PDE7B: variants seen among roughly 807,000 people sequenced by gnomAD.
The protein encoded by PDE7B is 3',5'-cyclic-AMP phosphodiesterase 7B.
In PDE7B, 29 loss-of-function variants were observed where a neutral mutation model predicts 56.2. The observed-to-expected ratio is 0.52, with a 90% CI of 0.38 to 0.70. PDE7B has a LOEUF of 0.70. PDE7B is among the 30% of genes least tolerant of loss of function. The pLI, the probability that PDE7B is intolerant of heterozygous loss-of-function variation, is 0.00. For synonymous variants in PDE7B, 197 were observed against 196.9 expected, an observed-to-expected ratio of 1.00 and a Z score of 0.00; for missense variants, 490 against 565.0, an observed-to-expected ratio of 0.87 and a Z score of 1.35.
chr6:135,899,568 A>G (rs1351208145), intron 1 of PDE7B, among the ~76,000 whole-genome samples: 1 of 151,878 alleles, frequency 6.6e-6, no homozygotes, highest in Admixed American at 6.6e-5. Flanking sequence ...GGCTTATTAA[A>G]AATGTGTGTC....
intron 1 of PDE7B, among the ~76,000 whole-genome samples, chr6:135,857,202 ATACT>A (rs1391825355): frequency 6.6e-5 from 10 of 152,034 alleles, no homozygotes; most frequent in African/African-American, 2.2e-4. Flanking sequence ...GTTTGGAGTA[ATACT>A]TACTTTTTTT....
At chr6:135,853,753 G>A (rs867715306) in intron 1 of PDE7B, among the ~76,000 whole-genome samples, 1 of 151,940 alleles carries the variant, frequency 6.6e-6, no homozygotes, top group Non-Finnish European at 1.5e-5. Context: ...GTTATTTAGG[G>A]CAAGGGTGGA....
At chr6:136,014,788 C>G (rs1775949107) in intron 2 of PDE7B, among the ~76,000 whole-genome samples, 1 of 152,170 alleles carries the variant, frequency 6.6e-6, no homozygotes, top group South Asian at 2.1e-4. Context: ...AGCCTCATCT[C>G]TTTGAAATGA....
chr6:136,181,491 G>T (rs529587916), intron 11 of PDE7B, among the ~76,000 whole-genome samples, 168 bp downstream of exon 11: 79 of 152,050 alleles, frequency 5.2e-4, no homozygotes, highest in Non-Finnish European at 6.9e-4. Flanking sequence ...CCCTTTTTCG[G>T]AAAAAGTTAA....
chr6:136,039,259 T>TC (rs1776376765), intron 2 of PDE7B, among the ~76,000 whole-genome samples: 1 of 151,820 alleles, frequency 6.6e-6, no homozygotes. Flanking sequence ...CTGGGAAGGA[T>TC]CCCAAGGGGC....
intron 1 of PDE7B, among the ~76,000 whole-genome samples, chr6:135,897,493 T>G (rs545278847): frequency 6.6e-6 from 1 of 152,260 alleles, no homozygotes; most frequent in South Asian, 2.1e-4. Context: ...AACTGAACTA[T>G]ACAGAAGAGA....
chr6:136,195,088 T>C lies in PDE7B; in HGVS notation c.*3248T>C, dbSNP rs922410627. The C allele has an allele frequency of 2.0e-5, 3 of 152,104 alleles. No individual in the cohort carries two copies. Among genetic ancestry groups the C allele is most frequent in the African/African-American group, 7.2e-5 (3 of 41,394 alleles). The allele number at this position is 152,104 out of a possible 1,614,324, so 9.4% of individuals were successfully genotyped here. A position where few individuals can be genotyped will look rare whatever the true frequency, so the allele number is the denominator to read the frequency against. ...AGATTAAATTAAGACAGAGAGAGAATACATATCACTGCCAGGCCTGATAGG... is the reference window on the plus strand; with the variant it reads ...AGATTAAATTAAGACAGAGAGAGAACACATATCACTGCCAGGCCTGATAGG... On this transcript the variant is annotated 3_prime_UTR_variant, in exon 13 of 13. Coordinates refer to ENST00000308191, the MANE Select transcript of PDE7B (RefSeq NM_018945.4).
chr6:135,979,092 G>A (rs1318510912), intron 2 of PDE7B, among the ~76,000 whole-genome samples: 1 of 151,922 alleles, frequency 6.6e-6, no homozygotes, highest in Non-Finnish European at 1.5e-5. Context: ...ATGAAGCGTT[G>A]TTGAATTTTG....
chr6:135,988,502 T>A (rs1461093969), intron 2 of PDE7B, among the ~76,000 whole-genome samples: 1 of 152,192 alleles, frequency 6.6e-6, no homozygotes, highest in East Asian at 1.9e-4. Context: ...AAGAGCCCAC[T>A]GTTTAATAAT....
intron 2 of PDE7B, chr6:136,046,376 C>T (rs1376739664): frequency 1.3e-5 from 2 of 152,206 alleles, no homozygotes; most frequent in African/African-American, 2.4e-5. Flanking sequence ...CTTGAGCCCA[C>T]CCTGATGGGG....
At chr6:136,029,388 G>A (rs1369154058) in intron 2 of PDE7B, among the ~76,000 whole-genome samples, 3 of 152,102 alleles carry the variant, frequency 2.0e-5, no homozygotes, top group Non-Finnish European at 4.4e-5. Flanking sequence ...TAATTGAGAC[G>A]CACAAACATA....
At chr6:136,058,698 CAT>C (rs754932112) in intron 2 of PDE7B, among the ~76,000 whole-genome samples, 43 of 152,104 alleles carry the variant, frequency 2.8e-4, no homozygotes, top group African/African-American at 6.5e-4. Context: ...TGCTGTCAAA[CAT>C]GTGGATTTGG....
intron 2 of PDE7B, among the ~76,000 whole-genome samples, chr6:136,061,874 C>T (rs1400161145): frequency 5.3e-5 from 8 of 152,204 alleles, no homozygotes; most frequent in African/African-American, 1.2e-4. Context: ...GGCAAACTAA[C>T]CTCTCAGACC....
chr6:136,104,076 G>C lies in PDE7B; in HGVS notation c.83-4655G>C, dbSNP rs1008616103. Among the ~76,000 whole-genome samples the C allele has an allele frequency of 2.8e-4, 42 of 152,272 alleles. 1 individual carries two copies. Among genetic ancestry groups the C allele is most frequent in the Admixed American group, 2.3e-3 (35 of 15,286 alleles). ...TCCTCAGGGAGGGTGAGGGGCTGTC[G>C]TCAGGTCAGGTCGTGGCTCCTGGGG... is the stretch of plus-strand genomic sequence containing the variant. On this transcript the variant is annotated intron_variant, in intron 2 of 12. Coordinates refer to ENST00000308191, the MANE Select transcript of PDE7B (RefSeq NM_018945.4).
chr6:136,005,191 A>T (rs940495726), intron 2 of PDE7B, among the ~76,000 whole-genome samples: 2 of 152,206 alleles, frequency 1.3e-5, no homozygotes, highest in Admixed American at 1.3e-4. Flanking sequence ...TACACCTTAT[A>T]CAAAAATTAA....
At chr6:135,876,099 A>G (rs1275565198) in intron 1 of PDE7B, among the ~76,000 whole-genome samples, 1 of 152,168 alleles carries the variant, frequency 6.6e-6, no homozygotes, top group African/African-American at 2.4e-5. Flanking sequence ...GGGAGGGAGA[A>G]GAAAGGAATA....
intron 1 of PDE7B, 48 bp from the exon 2 acceptor site, chr6:135,947,416 A>G (rs766795398): frequency 7.2e-7 from 1 of 1,387,746 alleles, no homozygotes; most frequent in South Asian, 1.2e-5. Context: ...TGTCTTGGGA[A>G]TCTTGATATG....
chr6:136,065,808 G>A (rs932908411), intron 2 of PDE7B, among the ~76,000 whole-genome samples: 15 of 152,308 alleles, frequency 9.8e-5, no homozygotes, highest in African/African-American at 3.6e-4. Context: ...ATTTCAGAAA[G>A]ATCAGATTTC....
At chr6:136,118,795 CATTTAG>C (rs1464827065) in intron 3 of PDE7B, among the ~76,000 whole-genome samples, 1 of 151,864 alleles carries the variant, frequency 6.6e-6, no homozygotes, top group African/African-American at 2.4e-5. Flanking sequence ...TTTTATAGTA[CATTTAG>C]ATTATTTCCT....
Sources: allele counts gnomAD v4.1 joint callset (sites outside exome capture counted in the v4.1 genomes callset), GRCh38; gene constraint gnomAD v4.1.1; transcripts MANE v1.5; gene names NCBI Gene and HGNC (gene_info 2026-07-23, HGNC 2026-07-21).